ADGRD1: variants seen among roughly 807,000 people sequenced by gnomAD.
ADGRD1 encodes the protein G-protein coupled receptor 133.
ADGRD1 carries 77 observed loss-of-function variants against 113.4 expected under a neutral mutation model. That is an observed-to-expected ratio of 0.68 (90% confidence interval 0.57 to 0.82). The LOEUF is 0.82. ADGRD1 is among the 40% of genes least tolerant of loss of function. ADGRD1 has a pLI of 0.00. For missense variants in ADGRD1, 1,036 were observed against 1,139.1 expected (o/e 0.91, Z 1.30); for synonymous variants, 474 against 475.0 (o/e 1.00, Z 0.03).
chr12:131,020,337 C>G (rs1469678333), intron 13 of ADGRD1, among the ~76,000 whole-genome samples: 1 of 152,018 alleles, frequency 6.6e-6, no homozygotes, highest in African/African-American at 2.4e-5. Flanking sequence ...GGGGCAAGAC[C>G]CTGAGCTCCG....
At chr12:131,114,653 G>C (rs1362714322) in intron 18 of ADGRD1, among the ~76,000 whole-genome samples, 1 of 152,072 alleles carries the variant, frequency 6.6e-6, no homozygotes, top group South Asian at 2.1e-4. Flanking sequence ...GAGCCCCTGG[G>C]AGGTGGCTTC....
chr12:131,046,777 GTCA>G (rs1593115755), intron 13 of ADGRD1, among the ~76,000 whole-genome samples: 5 of 130,414 alleles, frequency 3.8e-5, no homozygotes, highest in Non-Finnish European at 8.0e-5. Flanking sequence ...TCCCTCCCTG[GTCA>G]GTGTCCTCCC....
At chr12:130,977,199 G>A (rs4759817) in intron 4 of ADGRD1, 126,080 of 152,264 alleles carry the variant, frequency 0.83, 53,151 homozygotes, top group East Asian at 0.95. Flanking sequence ...TCAGCCTGCA[G>A]GACTCTCTGC....
In ADGRD1 at chr12:131,009,162, G is replaced by A. The variant is rs145052382; in HGVS notation, c.1331+3115G>A. On this transcript the variant is annotated intron_variant, in intron 12 of 24. Coordinates refer to ENST00000261654, the MANE Select transcript of ADGRD1 (RefSeq NM_198827.5). ...GCCACACTCAACATTATCAACGTGG[G>A]ACACGTTGTGGGCCCGTGTCTCTTG... Among the ~76,000 whole-genome samples, 517 of 152,350 alleles carry A rather than the reference G, an allele frequency of 3.4e-3. 4 individuals carry two copies. The highest frequency in any genetic ancestry group is 0.012 in the African/African-American group (486 of 41,590).
At position 131,136,148 on chromosome 12, in the gene ADGRD1, G is replaced by A. The variant is rs761283168; in HGVS notation, c.2379G>A (p.Thr793=). The A allele has an allele frequency of 4.3e-6, 7 of 1,613,964 alleles. No individual in the cohort carries two copies. Among genetic ancestry groups the A allele is most frequent in the African/African-American group, 2.7e-5 (2 of 74,940 alleles). ...CAVVFQYMFA[T]LNSLQGLFIF... is the part of the protein sequence containing the mutation. ...TGGTTTTCCAGTACATGTTTGCCAC[G>A]CTCAACTCCCTGCAGGTGAGAGCCG... Residue 793 remains threonine (T), a synonymous_variant, in exon 22 of 25, where the codon ACG becomes ACA. Transcript: ENST00000261654.
Position 131,022,863 on chromosome 12 carries a change from C to T in ADGRD1, c.1473+8523C>T, listed in dbSNP as rs1195897. The stretch of plus-strand genomic sequence containing the variant: ...GAGCCGGGAAATCTGTGTGTGTGTG[C>T]TCTCAGAAGCACACGCATGCACCTG... On this transcript the variant is annotated intron_variant, in intron 13 of 24. Transcript: ENST00000261654. This position sits in a 1 kb window ranked among gnomAD's most constrained non-coding sequence, Gnocchi z 4.6. 85,157 of 150,920 alleles carry T rather than the reference C, an allele frequency of 0.56. 26,292 individuals carry two copies. Among genetic ancestry groups the T allele is most frequent in the East Asian group, 0.73 (3,682 of 5,078 alleles). The allele number at this position is 150,920 out of a possible 1,614,324, so 9.3% of individuals were successfully genotyped here. A position where few individuals can be genotyped will look rare whatever the true frequency, so the allele number is the denominator to read the frequency against.
At chr12:131,006,123 G>A (rs1433316236) in intron 12 of ADGRD1, 76 bp downstream of exon 12, 13 of 1,188,600 alleles carry the variant, frequency 1.1e-5, no homozygotes, top group Middle Eastern at 1.9e-4. Flanking sequence ...AGGGATGCCC[G>A]CCCCACACGC....
At position 130,954,553 on chromosome 12, in the gene ADGRD1, G is replaced by A; in HGVS notation, c.66+22G>A. 1.2e-6 allele frequency: 2 copies of A among 1,613,638 alleles called. No individual in the cohort carries two copies. Among genetic ancestry groups the A allele is most frequent in the Non-Finnish European group, 8.5e-7 (1 of 1,179,752 alleles). On this transcript the variant is annotated intron_variant, in intron 1 of 24. Transcript: ENST00000261654. This position sits in a 1 kb window ranked among gnomAD's most constrained non-coding sequence, Gnocchi z 4.7. ...TCAGGTAATGTCCCCAAGTGGCCAGGATGGCGACAGGCTTGGTTTCTCCGG... is the reference window on the plus strand; with the variant it reads ...TCAGGTAATGTCCCCAAGTGGCCAGAATGGCGACAGGCTTGGTTTCTCCGG...
chr12:130,958,388 CG>C (rs1308361291), intron 2 of ADGRD1, among the ~76,000 whole-genome samples: 2 of 151,896 alleles, frequency 1.3e-5, no homozygotes, highest in East Asian at 3.9e-4. Flanking sequence ...TTAGTAGAGA[CG>C]GGGTTTCACC....
intron 15 of ADGRD1, among the ~76,000 whole-genome samples, chr12:131,099,493 C>T (rs1950020128): frequency 6.6e-6 from 1 of 152,248 alleles, no homozygotes; most frequent in South Asian, 2.1e-4. Flanking sequence ...CCTTCTGCCT[C>T]AGTCCACTCT....
intron 13 of ADGRD1, among the ~76,000 whole-genome samples, chr12:131,068,650 G>A (rs7980153): frequency 3.1e-4 from 47 of 152,348 alleles, no homozygotes; most frequent in African/African-American, 1.1e-3. Context: ...CATTAGCAAT[G>A]CTTTCCCCTT....
At chr12:131,014,778 C>T (rs1484504204) in intron 13 of ADGRD1, among the ~76,000 whole-genome samples, 2 of 152,200 alleles carry the variant, frequency 1.3e-5, no homozygotes, top group East Asian at 1.9e-4. Context: ...TCAGGCATTG[C>T]GTGATAAGCT....
At chr12:131,053,484 CATG>C (rs1883586142) in intron 13 of ADGRD1, among the ~76,000 whole-genome samples, 2 of 152,186 alleles carry the variant, frequency 1.3e-5, no homozygotes, top group Admixed American at 1.3e-4. Flanking sequence ...GAGGACCTGA[CATG>C]ATTTTTGTGG....
chr12:130,986,974 A>G (rs1042450320), intron 5 of ADGRD1, 121 bp from the exon 6 acceptor site: 1 of 785,378 alleles, frequency 1.3e-6, no homozygotes, highest in Non-Finnish European at 2.1e-6. Context: ...ATTAGGACGC[A>G]CCACAGTTAA....
intron 13 of ADGRD1, among the ~76,000 whole-genome samples, chr12:131,025,153 G>A (rs1879802734): frequency 6.6e-5 from 10 of 152,248 alleles, no homozygotes; most frequent in Admixed American, 6.5e-4. Context: ...GTTGGTTACT[G>A]CAGTTATTTT....
Position 131,127,621 on chromosome 12 carries a change from C to A in ADGRD1, c.2176-4104C>A, listed in dbSNP as rs1348857226. Among the ~76,000 whole-genome samples, 3 of 141,640 alleles carry A rather than the reference C, an allele frequency of 2.1e-5. No homozygotes were observed. The East Asian group carries it at 6.4e-4, about 30-fold the overall frequency. 92.9% of individuals were successfully genotyped at this position (141,640 alleles called of 152,430 possible). A position where few individuals can be genotyped will look rare whatever the true frequency, so the allele number is the denominator to read the frequency against. ...GTTGGTTGGGTTGGTTGTGATGGGA[C>A]CCTGAGCTCAGGTGGGGTGTTGGTT... On this transcript the variant is annotated intron_variant, in intron 20 of 24. Transcript: ENST00000261654.
At position 131,141,435 on chromosome 12, in the gene ADGRD1, A is replaced by T. The variant is rs930353442; in HGVS notation, c.*2172A>T. ...CACTAAGTTGTGAAAATATGTTGTGATTTTTATGAAATAAACTCATGTCCT... is the reference window on the plus strand; with the variant it reads ...CACTAAGTTGTGAAAATATGTTGTGTTTTTTATGAAATAAACTCATGTCCT... On this transcript the variant is annotated 3_prime_UTR_variant, in exon 25 of 25. Coordinates refer to ENST00000261654, the MANE Select transcript of ADGRD1 (RefSeq NM_198827.5). 1 of 152,248 alleles carries T rather than the reference A, an allele frequency of 6.6e-6. No homozygotes were observed. The highest frequency in any genetic ancestry group is 2.4e-5 in the African/African-American group (1 of 41,464). The allele number at this position is 152,248 out of a possible 1,614,324, so 9.4% of individuals were successfully genotyped here.
chr12:131,139,162 T>C lies in ADGRD1; in HGVS notation c.2530-6T>C. The C allele has an allele frequency of 6.2e-7, 1 of 1,610,980 alleles. No individual in the cohort carries two copies. The highest frequency in any genetic ancestry group is 8.5e-7 in the Non-Finnish European group (1 of 1,178,006). On this transcript the variant is annotated splice_polypyrimidine_tract_variant and splice_region_variant and intron_variant, in intron 24 of 24. Coordinates refer to ENST00000261654, the MANE Select transcript of ADGRD1 (RefSeq NM_198827.5). ...CCTTCACTGCTCATCCCTTTATGCT[T>C]TGCAGATGAATGGGACCCGGCCAGG...
intron 6 of ADGRD1, 71 bp downstream of exon 6, chr12:130,987,420 T>C: frequency 6.5e-7 from 1 of 1,547,266 alleles, no homozygotes; most frequent in East Asian, 2.3e-5. Flanking sequence ...CGGCCTCCTT[T>C]CTCCCCACTC....
Sources: gnomAD v4.1 joint callset for allele counts (sites outside exome capture counted in the v4.1 genomes callset) on GRCh38, gnomAD v4.1.1 for gene constraint, Gnocchi (gnomAD v3.1) non-coding constraint, MANE v1.5 for transcripts, NCBI Gene and HGNC (gene_info 2026-07-23, HGNC 2026-07-21) for gene names.